Variants in UQCC1 observed in about 807,000 individuals in gnomAD.
UQCC1 encodes bFGF-repressed Zic-binding protein.
A neutral mutation model predicts 48.0 loss-of-function variants in UQCC1; 38 were observed. That is an observed-to-expected ratio of 0.79 (90% CI 0.61 to 1.04). The LOEUF (loss-of-function observed/expected upper bound fraction) is 1.04. UQCC1 is among the 50% of genes least tolerant of loss of function. The pLI, the probability that UQCC1 is intolerant of heterozygous loss-of-function variation, is 0.00. For synonymous variants in UQCC1, 111 were observed against 129.2 expected (o/e 0.86, Z 0.95); for missense variants, 368 against 381.8 (o/e 0.96, Z 0.30).
rs536380556 is a variant in UQCC1 at position 35,327,895 on chromosome 20, G to C, written c.574-13130C>G. Among the ~76,000 whole-genome samples the C allele has an allele frequency of 5.3e-5, 8 of 152,050 alleles. No homozygotes were observed. The East Asian group carries it at 1.5e-3, about 29-fold the overall frequency. On this transcript the variant is annotated intron_variant, in intron 7 of 9. Coordinates refer to ENST00000374385, the MANE Select transcript of UQCC1 (RefSeq NM_018244.5). ...TGGGTGCCTGTAGTCCCAGCTACTAGGGAGGCTGAGGCAGGAGAATTGCTT... is the reference window on the plus strand; with the variant it reads ...TGGGTGCCTGTAGTCCCAGCTACTACGGAGGCTGAGGCAGGAGAATTGCTT...
At chr20:35,330,035 T>G (rs1322116095) in intron 7 of UQCC1, among the ~76,000 whole-genome samples, 6 of 152,224 alleles carry the variant, frequency 3.9e-5, no homozygotes. Flanking sequence ...ATAGACTCTG[T>G]GAGTTCACTC....
At chr20:35,339,671 T>G (rs1465252410) in intron 7 of UQCC1, among the ~76,000 whole-genome samples, 4 of 152,206 alleles carry the variant, frequency 2.6e-5, no homozygotes. Context: ...CTCCAATTTT[T>G]TGCTTTGAAG....
Position 35,375,947 on chromosome 20 carries a change from TAA to T in UQCC1, c.334-1693_334-1692del, listed in dbSNP as rs11367331. On this transcript the variant is annotated intron_variant, in intron 4 of 9. Transcript: ENST00000374385. ...CTGGGTGACAGAGCTGGACCTTGCC[TAA>T]AAAAAAAAAAAAAAAAAAAAGGAAA... Among the ~76,000 whole-genome samples the T allele has an allele frequency of 6.7e-3, 431 of 64,710 alleles. 2 individuals are homozygous for T. The highest frequency in any genetic ancestry group is 0.015 in the African/African-American group (219 of 14,854). 42.5% of individuals were successfully genotyped at this position (64,710 alleles called of 152,430 possible).
chr20:35,384,563 G>T (rs372120368), intron 2 of UQCC1: 6 of 431,382 alleles, frequency 1.4e-5, no homozygotes, highest in East Asian at 7.2e-5. Context: ...GATCACTTGA[G>T]CCCAGAAGAT....
chr20:35,326,704 G>C (rs1378213248), intron 7 of UQCC1, among the ~76,000 whole-genome samples: 1 of 152,188 alleles, frequency 6.6e-6, no homozygotes, highest in Non-Finnish European at 1.5e-5. Flanking sequence ...GAGACACTTG[G>C]AGGCTGCTAA....
intron 6 of UQCC1, among the ~76,000 whole-genome samples, chr20:35,366,018 T>C (rs981660031): frequency 1.3e-5 from 2 of 152,184 alleles, no homozygotes; most frequent in African/African-American, 2.4e-5. Flanking sequence ...AGATGAAAAA[T>C]TGATTTTTTT....
In UQCC1 at chr20:35,308,818, G is replaced by A. The variant is rs757257885; in HGVS notation, c.652-2039C>T. Among the ~76,000 whole-genome samples, 82 of 152,190 alleles carry A rather than the reference G, an allele frequency of 5.4e-4. 1 individual carries two copies. The highest frequency in any genetic ancestry group is 1.0e-3 in the Non-Finnish European group (70 of 68,038). ...CAACCTCTGCCTCCCAAGTTCAAGTGATTCTCTTGCCTCAGCCTCCCAAGT... is the reference window on the plus strand; with the variant it reads ...CAACCTCTGCCTCCCAAGTTCAAGTAATTCTCTTGCCTCAGCCTCCCAAGT... On this transcript the variant is annotated intron_variant, in intron 8 of 9. Coordinates refer to ENST00000374385, the MANE Select transcript of UQCC1 (RefSeq NM_018244.5).
Position 35,304,038 on chromosome 20 carries a change from T to G in UQCC1, c.797A>C (p.Asp266Ala). 6.2e-7 allele frequency: 1 copy of G among 1,613,968 alleles called. No individual in the cohort carries two copies. Among genetic ancestry groups the G allele is most frequent in the Non-Finnish European group, 8.5e-7 (1 of 1,179,984 alleles). ...IQYLDSMNGE[D>A]LLLTGEVSWR... ...GCTCACCTCCCCTGTCAGAAGCAGA[T>G]CCTCCCCGTTCATGGAGTCCAGGTA... The change falls in exon 10 of 10, where the codon GAT becomes GCT. Residue 266 changes from aspartate to alanine, a missense_variant. Physicochemically the swap from Asp to Ala is moderately radical, Grantham distance 126. Transcript: ENST00000374385.
chr20:35,402,724 C>T (rs1283694688), intron 1 of UQCC1, among the ~76,000 whole-genome samples: 5 of 151,928 alleles, frequency 3.3e-5, no homozygotes, highest in Non-Finnish European at 5.9e-5. Flanking sequence ...ACCCGGGAGG[C>T]GGAGGTTGCA....
chr20:35,343,052 T>A (rs975489251), intron 7 of UQCC1, among the ~76,000 whole-genome samples: 47 of 152,240 alleles, frequency 3.1e-4, no homozygotes, highest in Non-Finnish European at 5.7e-4. Flanking sequence ...AGTGGCTCTC[T>A]TATTTCTTGA....
intron 7 of UQCC1, among the ~76,000 whole-genome samples, chr20:35,317,227 T>C (rs1320460575): frequency 1.5e-4 from 23 of 149,586 alleles, no homozygotes; most frequent in East Asian, 8.0e-4. Flanking sequence ...CGTGAGCCAC[T>C]GCGCCCGGCC....
chr20:35,308,573 T>C (rs2060953063), intron 8 of UQCC1, among the ~76,000 whole-genome samples: 1 of 152,202 alleles, frequency 6.6e-6, no homozygotes, highest in South Asian at 2.1e-4. Flanking sequence ...TCCTGAGCCA[T>C]CAGAAGGAAA....
chr20:35,318,207 G>A (rs1204394453), intron 7 of UQCC1, among the ~76,000 whole-genome samples: 1 of 152,212 alleles, frequency 6.6e-6, no homozygotes, highest in African/African-American at 2.4e-5. Flanking sequence ...AAGCTTTGGA[G>A]CAGGAAGGGC....
At chr20:35,394,766 T>G (rs570985428) in intron 1 of UQCC1, among the ~76,000 whole-genome samples, 2 of 152,244 alleles carry the variant, frequency 1.3e-5, no homozygotes, top group South Asian at 4.1e-4. Flanking sequence ...ACAATTTAAC[T>G]TAATTCTTAA....
chr20:35,367,353 C>T (rs977061729), intron 5 of UQCC1, among the ~76,000 whole-genome samples: 10 of 152,028 alleles, frequency 6.6e-5, no homozygotes, highest in African/African-American at 2.4e-4. Context: ...TTACTTTTTT[C>T]AGTTGGGCTC....
intron 8 of UQCC1, among the ~76,000 whole-genome samples, chr20:35,312,590 A>G (rs958972999): frequency 1.3e-5 from 2 of 152,224 alleles, no homozygotes; most frequent in African/African-American, 4.8e-5. Context: ...CAGGAAGTTC[A>G]GGAACCGCTT....
chr20:35,310,822 A>C (rs2060983469), intron 8 of UQCC1, among the ~76,000 whole-genome samples: 2 of 145,460 alleles, frequency 1.4e-5, no homozygotes, highest in South Asian at 4.5e-4. Flanking sequence ...CCTCCCGAGT[A>C]GCTGGGACTA....
chr20:35,383,082 A>G (rs1361099435), intron 3 of UQCC1, among the ~76,000 whole-genome samples: 1 of 152,220 alleles, frequency 6.6e-6, no homozygotes, highest in African/African-American at 2.4e-5. Context: ...AAAAGGAAAA[A>G]AAAATACTGC....
intron 1 of UQCC1, among the ~76,000 whole-genome samples, chr20:35,407,797 C>T (rs1430483320): frequency 3.3e-5 from 5 of 152,048 alleles, no homozygotes; most frequent in African/African-American, 4.8e-5. Flanking sequence ...CCGAGGCAGG[C>T]GGATCACCTG....
Sources: allele counts gnomAD v4.1 joint callset (sites outside exome capture counted in the v4.1 genomes callset), GRCh38; gene constraint gnomAD v4.1.1; transcripts MANE v1.5; gene names NCBI Gene and HGNC (gene_info 2026-07-23, HGNC 2026-07-21).